The following DERPC variants were observed in gnomAD, a reference collection of about 807,000 sequenced individuals.
The protein encoded by DERPC is decreased expression in renal and prostate cancer protein.
In DERPC, 1 loss-of-function variant was observed where a neutral mutation model predicts 7.2. The ratio of observed to expected loss-of-function variants is 0.14; its 90% confidence interval spans 0.05 to 0.66. The LOEUF is 0.66. DERPC is among the 30% of genes least tolerant of loss of function. DERPC has a pLI of 0.84. For missense variants in DERPC, 502 were observed against 299.4 expected (o/e 1.68, Z -4.99); for synonymous variants, 185 against 117.6 (o/e 1.57, Z -3.71).
rs1457777623 is a variant in DERPC, at chr16:69,118,104, G to GTGAT, written c.*746_*749dup. The GTGAT allele has an allele frequency of 9.2e-6, 5 of 540,862 alleles. No homozygotes were observed. In the East Asian group the frequency reaches 1.6e-4, roughly 17 times the overall value. 33.5% of individuals were successfully genotyped at this position (540,862 alleles called of 1,614,324 possible). Reference sequence around the variant, plus strand: ...TGCACACCAGGCCGAACAAAGCACAGTGATTTCTTCCCTTCATCCCCCACC... The same window carrying GTGAT: ...TGCACACCAGGCCGAACAAAGCACAGTGATTGATTTCTTCCCTTCATCCCCCACC... On this transcript the variant is annotated 3_prime_UTR_variant, in exon 3 of 3. Transcript: ENST00000519520.
intron 2 of DERPC, chr16:69,121,066 T>C (rs1365080904): frequency 1.9e-6 from 3 of 1,613,894 alleles, no homozygotes; most frequent in Non-Finnish European, 2.5e-6. Context: ...AGTGGTGTAA[T>C]GTAGGTCTCC....
rs1295375010 is a variant in DERPC, at chr16:69,119,063, G to A, written c.1366C>T (p.Pro456Ser). The change falls in exon 3 of 3, where the codon CCT becomes TCT. Residue 456 changes from proline (P) to serine (S), a missense_variant. By Grantham distance (74) the Pro-to-Ser change is moderately conservative. Coordinates refer to ENST00000519520, the MANE Select transcript of DERPC (RefSeq NM_001002847.4). ...AAAGGAGCTGGGTTGATACCCACAGGGCCAGCTGGAGAAGGGCCCAGATGC... is the reference window on the plus strand; with the variant it reads ...AAAGGAGCTGGGTTGATACCCACAGAGCCAGCTGGAGAAGGGCCCAGATGC... ...AGHLGPSPAG[P>S]VGINPAPFTR... The A allele has an allele frequency of 2.1e-5, 15 of 702,932 alleles. No individual in the cohort carries two copies. The highest frequency in any genetic ancestry group is 1.0e-5 in the Non-Finnish European group (4 of 385,028). The allele number at this position is 702,932 out of a possible 1,614,324, so 43.5% of individuals were successfully genotyped here.
In DERPC at chr16:69,120,586, G is replaced by A. The variant is rs745553449; in HGVS notation, c.-158C>T. On this transcript the variant is annotated 5_prime_UTR_variant, in exon 3 of 3. Transcript: ENST00000519520. The surrounding 1 kb of genome is among the most constrained non-coding windows in gnomAD (Gnocchi z 4.0). ...GTGTGTTTGACAAGGACTGCAAAAG[G>A]TTTCTCCAGGTGGATGATTTTCCCA... The A allele has an allele frequency of 1.2e-6, 2 of 1,614,012 alleles. No individual in the cohort carries two copies. The highest frequency in any genetic ancestry group is 2.2e-5 in the South Asian group (2 of 91,084).
At chr16:69,122,996 T>C (rs903419855) in intron 1 of DERPC, among the ~76,000 whole-genome samples, 4 of 152,148 alleles carry the variant, frequency 2.6e-5, no homozygotes, top group African/African-American at 9.6e-5. Flanking sequence ...CTTGACCTCA[T>C]GATCCGCCCA....
intron 1 of DERPC, among the ~76,000 whole-genome samples, chr16:69,124,224 C>T (rs944854060): frequency 1.3e-5 from 2 of 152,136 alleles, no homozygotes; most frequent in Non-Finnish European, 2.9e-5. Flanking sequence ...CAATTGGCTT[C>T]ACTTTCTGTG....
At chr16:69,123,925 TAA>T (rs757493986) in intron 1 of DERPC, among the ~76,000 whole-genome samples, 4 of 76,970 alleles carry the variant, frequency 5.2e-5, no homozygotes, top group Admixed American at 1.5e-4. Context: ...CCATCTCTAC[TAA>T]AAAAAAAAAA....
chr16:69,123,655 A>G (rs1961843953), intron 1 of DERPC, among the ~76,000 whole-genome samples: 1 of 152,148 alleles, frequency 6.6e-6, no homozygotes, highest in Non-Finnish European at 1.5e-5. Flanking sequence ...CAAAAAATCA[A>G]TCAATCAATC....
chr16:69,126,668 G>A (rs983413068), intron 1 of DERPC, among the ~76,000 whole-genome samples: 4 of 152,236 alleles, frequency 2.6e-5, no homozygotes, highest in Non-Finnish European at 5.9e-5. Flanking sequence ...GGAACTTACA[G>A]ACTGCTCTGG....
chr16:69,132,548 C>A lies in DERPC; in HGVS notation c.-344G>T. On this transcript the variant is annotated 5_prime_UTR_variant, in exon 1 of 3. Transcript: ENST00000519520. ...CGGGCGACAACCGAACCTCCCGCCG[C>A]CGTCGCCGCCGCCGCGAGCACTGCC... 1 of 362,936 alleles carries A rather than the reference C, an allele frequency of 2.8e-6. No individual in the cohort carries two copies. The highest frequency in any genetic ancestry group is 5.4e-6 in the Non-Finnish European group (1 of 185,034). The allele number at this position is 362,936 out of a possible 1,614,324, so 22.5% of individuals were successfully genotyped here.
chr16:69,119,911 C>T lies in DERPC; in HGVS notation c.518G>A (p.Gly173Asp), dbSNP rs527555624. ...AGATCCAGGGCCCATGGGACCACCA[C>T]CTCTGGGGTCAGGACCTGCTCCCAG... ...GLLGAGPDPR[G>D]GGPMGPGSGP... The change falls in exon 3 of 3, where the codon GGT (glycine) becomes GAT (aspartate). Residue 173 changes from glycine to aspartate, a missense_variant. Physicochemically the swap from Gly to Asp is moderately conservative, Grantham distance 94 (BLOSUM62 -1). Coordinates refer to ENST00000519520, the MANE Select transcript of DERPC (RefSeq NM_001002847.4). 1 of 702,506 alleles carries T rather than the reference C, an allele frequency of 1.4e-6. No individual in the cohort carries two copies. Among genetic ancestry groups the T allele is most frequent in the African/African-American group, 1.7e-5 (1 of 57,376 alleles). The allele number at this position is 702,506 out of a possible 1,614,324, so 43.5% of individuals were successfully genotyped here.
chr16:69,129,887 G>C (rs1391292115), intron 1 of DERPC, among the ~76,000 whole-genome samples: 1 of 152,180 alleles, frequency 6.6e-6, no homozygotes, highest in South Asian at 2.1e-4. Context: ...AAACAAAGAA[G>C]CAGCTTGCTT....
At position 69,118,409 on chromosome 16, in the gene DERPC, A is replaced by G; in HGVS notation, c.*445T>C. The G allele has an allele frequency of 6.2e-7, 1 of 1,613,762 alleles. No homozygotes were observed. The highest frequency in any genetic ancestry group is 8.5e-7 in the Non-Finnish European group (1 of 1,179,642). ...TGACCAGGTCCAAGCTGCCCAGGTCAGAGCTACGGAAGCATGGTCCGTTCA... is the reference window on the plus strand; with the variant it reads ...TGACCAGGTCCAAGCTGCCCAGGTCGGAGCTACGGAAGCATGGTCCGTTCA... On this transcript the variant is annotated 3_prime_UTR_variant, in exon 3 of 3. Transcript: ENST00000519520.
chr16:69,120,781 A>T lies in DERPC; in HGVS notation c.-221-132T>A, dbSNP rs1266004130. ...TGGTCTGGCTCTGCCATTGTTGAGC[A>T]GCCACACTGGACCACCCACCCATGT... On this transcript the variant is annotated intron_variant, in intron 2 of 2. Transcript: ENST00000519520. The surrounding 1 kb of genome is among the most constrained non-coding windows in gnomAD (Gnocchi z 4.0). 14 of 811,346 alleles carry T rather than the reference A, an allele frequency of 1.7e-5. No homozygotes were observed. Among genetic ancestry groups the T allele is most frequent in the Non-Finnish European group, 2.8e-5 (14 of 497,018 alleles). The allele number at this position is 811,346 out of a possible 1,614,324, so 50.3% of individuals were successfully genotyped here.
Position 69,120,132 on chromosome 16 carries a change from T to C in DERPC, c.297A>G (p.Pro99=). 1.4e-6 allele frequency: 1 copy of C among 701,282 alleles called. No homozygotes were observed. The highest frequency in any genetic ancestry group is 1.5e-5 in the South Asian group (1 of 67,522). 43.4% of individuals were successfully genotyped at this position (701,282 alleles called of 1,614,324 possible). The change falls in exon 3 of 3, where the codon CCA becomes CCG. Residue 99 remains proline, a synonymous_variant. Coordinates refer to ENST00000519520, the MANE Select transcript of DERPC (RefSeq NM_001002847.4). The surrounding 1 kb of genome is among the most constrained non-coding windows in gnomAD (Gnocchi z 4.0). ...CTGTGCCAGTGGGATTCATCCCTCT[T>C]GGAAAAGAAGCCATACTTGGGTCAC... The part of the protein sequence containing the change: ...GARDPSMASF[P]RGMNPTGTGA...
At chr16:69,121,216 G>T in intron 2 of DERPC, 1 of 1,528,050 alleles carries the variant, frequency 6.5e-7, no homozygotes, top group Non-Finnish European at 9.0e-7. Context: ...AGGGGTGAAG[G>T]ATGAATAGTG....
rs548021712 is a variant in DERPC at position 69,119,454 on chromosome 16, G to A, written c.975C>T (p.Gly325=). 10 of 702,972 alleles carry A rather than the reference G, an allele frequency of 1.4e-5. No individual in the cohort carries two copies. The East Asian group carries it at 2.1e-4, about 15-fold the overall frequency. 43.5% of individuals were successfully genotyped at this position (702,972 alleles called of 1,614,324 possible). A position where few individuals can be genotyped will look rare whatever the true frequency, so the allele number is the denominator to read the frequency against. The change falls in exon 3 of 3, where the codon GGC becomes GGT. Residue 325 remains glycine, a synonymous_variant. Transcript: ENST00000519520. ...PNSGPSSRGI[G]LPGPNPSPMS... ...TGGGAGATGGATTTGGCCCTGGAAG[G>A]CCAATTCCCCGAGAGCTAGGACCCG...
intron 2 of DERPC, 101 bp downstream of exon 2, chr16:69,121,335 T>C: frequency 8.0e-7 from 1 of 1,253,264 alleles, no homozygotes; most frequent in Non-Finnish European, 1.1e-6. Flanking sequence ...CAAGGATTTG[T>C]ACAAGATGCA....
Position 69,132,469 on chromosome 16 carries a change from C to CT in DERPC, c.-280+14_-280+15insA, listed in dbSNP as rs11437520. ...GCTCCCCGCAGCCTCCCGTGCCCCC[C>CT]GCCCGCGGCCTGACCTGCAATGGCG... On this transcript the variant is annotated intron_variant, in intron 1 of 2. Transcript: ENST00000519520. 3 of 216,264 alleles carry CT rather than the reference C, an allele frequency of 1.4e-5. No individual in the cohort carries two copies. Among genetic ancestry groups the CT allele is most frequent in the South Asian group, 6.0e-5 (1 of 16,684 alleles). 13.4% of individuals were successfully genotyped at this position (216,264 alleles called of 1,614,324 possible). A position where few individuals can be genotyped will look rare whatever the true frequency, so the allele number is the denominator to read the frequency against.
In DERPC at chr16:69,119,544, A is replaced by C; in HGVS notation, c.885T>G (p.Ala295=). 2.8e-6 allele frequency: 2 copies of C among 702,890 alleles called. No individual in the cohort carries two copies. Among genetic ancestry groups the C allele is most frequent in the Non-Finnish European group, 5.2e-6 (2 of 384,938 alleles). The allele number at this position is 702,890 out of a possible 1,614,324, so 43.5% of individuals were successfully genotyped here. Reference sequence around the variant, plus strand: ...ATGGGCTTGTGCCCATGTTTCCAGAAGCCTGTGAGAAAGAAGCTGAATTTG... The same window carrying C: ...ATGGGCTTGTGCCCATGTTTCCAGACGCCTGTGAGAAAGAAGCTGAATTTG... ...LGANSASFSQ[A]SGNMGTSPSS... The change falls in exon 3 of 3, where the codon GCT becomes GCG. Residue 295 remains alanine, a synonymous_variant. Transcript: ENST00000519520.
Sources: gnomAD v4.1 joint callset for allele counts (sites outside exome capture counted in the v4.1 genomes callset) on GRCh38, gnomAD v4.1.1 for gene constraint, Gnocchi (gnomAD v3.1) non-coding constraint, MANE v1.5 for transcripts, NCBI Gene and HGNC (gene_info 2026-07-23, HGNC 2026-07-21) for gene names.